TAF15: variants seen among roughly 807,000 people sequenced by gnomAD.
TAF15 encodes TATA-box binding protein associated factor 15.
Under a neutral mutation model 102.5 loss-of-function variants are expected in TAF15, and 37 were observed. The observed-to-expected ratio is 0.36, with a 90% CI of 0.28 to 0.47. TAF15 has a LOEUF of 0.47. Among genes scored for constraint, TAF15 ranks in the 20% least tolerant of loss-of-function variants. The pLI is 0.99. For missense variants in TAF15, 652 were observed against 760.7 expected (o/e 0.86, Z 1.68); for synonymous variants, 273 against 259.2 (o/e 1.05, Z -0.51).
chr17:35,817,683 A>G, intron 1 of TAF15, 33 bp from the exon 2 acceptor site: 1 of 1,603,908 alleles, frequency 6.2e-7, no homozygotes, highest in Non-Finnish European at 8.5e-7. Flanking sequence ...CATAATTTTA[A>G]ATAAGATTTA....
intron 1 of TAF15, among the ~76,000 whole-genome samples, chr17:35,813,449 C>T (rs1049687247): frequency 1.3e-5 from 2 of 151,942 alleles, no homozygotes; most frequent in African/African-American, 4.8e-5. Context: ...GCCTGGGCAA[C>T]GTGATGAAAC....
intron 11 of TAF15, among the ~76,000 whole-genome samples, chr17:35,839,104 C>CA (rs1267690838): frequency 4.2e-4 from 61 of 143,798 alleles, no homozygotes; most frequent in East Asian, 6.0e-4. Context: ...TCTACTAAAA[C>CA]AAAAAAAAAA....
At chr17:35,819,985 C>G in intron 2 of TAF15, 39 bp from the exon 3 acceptor site, 1 of 1,591,040 alleles carries the variant, frequency 6.3e-7, no homozygotes, top group Non-Finnish European at 8.6e-7. Context: ...TTTAAAATTT[C>G]TACACATTTC....
chr17:35,819,082 T>C (rs2087228964), intron 2 of TAF15, among the ~76,000 whole-genome samples: 1 of 152,200 alleles, frequency 6.6e-6, no homozygotes, highest in Non-Finnish European at 1.5e-5. Context: ...CAGTGTAAGA[T>C]ACTCAGAATA....
intron 7 of TAF15, chr17:35,830,156 A>C (rs937544053): frequency 2.6e-5 from 4 of 151,850 alleles, no homozygotes; most frequent in Non-Finnish European, 5.9e-5. Flanking sequence ...AAAAAAAAAA[A>C]AGTATGCAAC....
intron 1 of TAF15, among the ~76,000 whole-genome samples, chr17:35,812,969 A>C (rs1410981383): frequency 6.6e-6 from 1 of 151,962 alleles, no homozygotes; most frequent in Admixed American, 6.6e-5. Context: ...CTCTACTAAA[A>C]GTATAAAAAT....
At chr17:35,831,323 C>G (rs181491642) in intron 7 of TAF15, among the ~76,000 whole-genome samples, 1 of 151,072 alleles carries the variant, frequency 6.6e-6, no homozygotes, top group African/African-American at 2.4e-5. Flanking sequence ...AGGAGAATGG[C>G]GGGAACCCAG....
rs368564744 is a variant in TAF15, at chr17:35,846,853, C to T, written c.1740-53C>T. The T allele has an allele frequency of 9.4e-4, 1,496 of 1,599,524 alleles. 2 individuals carry two copies. Among genetic ancestry groups the T allele is most frequent in the Middle Eastern group, 2.2e-3 (13 of 6,032 alleles). ...GTACCCTGAAGAAGTGTCTAATGCT[C>T]CCCCTTCGTAGAAAATTAGAATTTA... On this transcript the variant is annotated intron_variant, in intron 15 of 15. Coordinates refer to ENST00000605844, the MANE Select transcript of TAF15 (RefSeq NM_139215.3).
intron 2 of TAF15, among the ~76,000 whole-genome samples, chr17:35,818,078 C>G (rs190150424): frequency 4.9e-4 from 74 of 152,118 alleles, no homozygotes; most frequent in Admixed American, 1.2e-3. Context: ...CAGACATGTG[C>G]CACTCTACTG....
chr17:35,813,449 C>A (rs1049687247), intron 1 of TAF15, among the ~76,000 whole-genome samples: 1 of 151,942 alleles, frequency 6.6e-6, no homozygotes, highest in Non-Finnish European at 1.5e-5. Flanking sequence ...GCCTGGGCAA[C>A]GTGATGAAAC....
chr17:35,827,467 G>A (rs1022296943), intron 7 of TAF15, among the ~76,000 whole-genome samples: 2 of 152,180 alleles, frequency 1.3e-5, no homozygotes, highest in Non-Finnish European at 2.9e-5. Context: ...GCACTTTGGA[G>A]GGCACAGCGG....
At chr17:35,828,722 A>G (rs1028910481) in intron 7 of TAF15, among the ~76,000 whole-genome samples, 4 of 152,044 alleles carry the variant, frequency 2.6e-5, no homozygotes, top group African/African-American at 9.7e-5. Context: ...AGTCTGGGCA[A>G]TAGTGAGTCG....
At chr17:35,819,964 T>C in intron 2 of TAF15, 60 bp from the exon 3 acceptor site, 1 of 1,500,732 alleles carries the variant, frequency 6.7e-7, no homozygotes, top group Non-Finnish European at 9.2e-7. Flanking sequence ...AGGCAAGGTC[T>C]TCATTTAAAC....
In TAF15 at chr17:35,839,370, C is replaced by CTTTTTTTTTT. The variant is rs562461506; in HGVS notation, c.913+837_913+846dup. Among the ~76,000 whole-genome samples the CTTTTTTTTTT allele has an allele frequency of 6.1e-4, 32 of 52,422 alleles. 9 individuals are homozygous for CTTTTTTTTTT. The highest frequency in any genetic ancestry group is 2.8e-3 in the African/African-American group (31 of 11,166). 34.4% of individuals were successfully genotyped at this position (52,422 alleles called of 152,430 possible). A position where few individuals can be genotyped will look rare whatever the true frequency, so the allele number is the denominator to read the frequency against. On this transcript the variant is annotated intron_variant, in intron 11 of 15. Transcript: ENST00000605844. ...TTAATACATACTTAGAAGAAATAGACTTTTTTTTTTTTTTTTTTTTTTTTT... is the reference window on the plus strand; with the variant it reads ...TTAATACATACTTAGAAGAAATAGACTTTTTTTTTTTTTTTTTTTTTTTTTTTTTTTTTTT...
At chr17:35,811,066 A>G (rs943434408) in intron 1 of TAF15, 1 of 152,242 alleles carries the variant, frequency 6.6e-6, no homozygotes, top group Non-Finnish European at 1.5e-5. Context: ...ACAAGAGTGT[A>G]TCATCTACCC....
At chr17:35,832,263 G>C (rs1357774130) in intron 7 of TAF15, among the ~76,000 whole-genome samples, 1 of 152,182 alleles carries the variant, frequency 6.6e-6, no homozygotes, top group East Asian at 1.9e-4. Flanking sequence ...TAGAAATTCA[G>C]TGGCAAACTG....
intron 11 of TAF15, among the ~76,000 whole-genome samples, chr17:35,840,835 G>T (rs2087534834): frequency 6.6e-6 from 1 of 151,920 alleles, no homozygotes; most frequent in Non-Finnish European, 1.5e-5. Context: ...CTGTACTCCA[G>T]CCTGGGTGAC....
intron 7 of TAF15, among the ~76,000 whole-genome samples, chr17:35,830,620 A>T (rs1040236744): frequency 6.6e-6 from 1 of 152,234 alleles, no homozygotes; most frequent in Non-Finnish European, 1.5e-5. Context: ...GTATTTAATA[A>T]ATTCCTTAAA....
At chr17:35,842,217 G>A (rs1598550970) in intron 11 of TAF15, 150 bp from the exon 12 acceptor site, 3 of 662,356 alleles carry the variant, frequency 4.5e-6, no homozygotes, top group South Asian at 1.7e-5. Context: ...GTCACTTTTA[G>A]CACTGTTATC....
Sources: gnomAD v4.1 joint callset for allele counts (sites outside exome capture counted in the v4.1 genomes callset) on GRCh38, gnomAD v4.1.1 for gene constraint, MANE v1.5 for transcripts, NCBI Gene and HGNC (gene_info 2026-07-23, HGNC 2026-07-21) for gene names.